MEP1B: variants seen among roughly 807,000 people sequenced by gnomAD.
MEP1B encodes the protein meprin A subunit beta.
Under a neutral mutation model 84.6 loss-of-function variants are expected in MEP1B, and 80 were observed. The ratio of observed to expected loss-of-function variants is 0.95; its 90% confidence interval spans 0.79 to 1.14. The LOEUF is 1.14. MEP1B is among the 50% of genes most tolerant of loss of function. MEP1B has a pLI of 0.00. For synonymous variants in MEP1B, 273 were observed against 288.1 expected (o/e 0.95, Z 0.53); for missense variants, 766 against 855.1 (o/e 0.90, Z 1.30).
Position 32,207,489 on chromosome 18 carries a change from G to A in MEP1B, c.766+19G>A, listed in dbSNP as rs1461608580. The A allele has an allele frequency of 1.3e-6, 2 of 1,537,374 alleles. No individual in the cohort carries two copies. Among genetic ancestry groups the A allele is most frequent in the East Asian group, 2.3e-5 (1 of 44,104 alleles). On this transcript the variant is annotated intron_variant, in intron 8 of 14. Transcript: ENST00000269202. ...AACTGCTGTATGTGACAGGTTCTTT[G>A]AAATGACTTATATTTTCCGCTGTTA...
At chr18:32,216,386 TAACA>T (rs2041090056) in intron 12 of MEP1B, among the ~76,000 whole-genome samples, 2 of 152,186 alleles carry the variant, frequency 1.3e-5, no homozygotes, top group South Asian at 4.1e-4. Flanking sequence ...CCAGAAGCAA[TAACA>T]AATACTGCAA....
At chr18:32,211,466 C>G (rs1367239152) in intron 10 of MEP1B, among the ~76,000 whole-genome samples, 1 of 152,088 alleles carries the variant, frequency 6.6e-6, no homozygotes, top group African/African-American at 2.4e-5. Context: ...TGTTTTATCT[C>G]AGAATGGCTG....
At chr18:32,211,596 A>C (rs913094778) in intron 10 of MEP1B, among the ~76,000 whole-genome samples, 1 of 152,188 alleles carries the variant, frequency 6.6e-6, no homozygotes, top group South Asian at 2.1e-4. Context: ...AATCCCAGTG[A>C]AGAACTGGGA....
At chr18:32,193,199 C>T (rs975857187) in intron 4 of MEP1B, among the ~76,000 whole-genome samples, 2 of 152,192 alleles carry the variant, frequency 1.3e-5, no homozygotes, top group African/African-American at 2.4e-5. Flanking sequence ...AGGCTTTTTA[C>T]CCCAATAAAT....
In MEP1B at chr18:32,210,563, G is replaced by T. The variant is rs115830020; in HGVS notation, c.982G>T (p.Glu328Ter). 2.5e-6 allele frequency: 4 copies of T among 1,614,016 alleles called. No individual in the cohort carries two copies. Among genetic ancestry groups the T allele is most frequent in the Admixed American group, 3.3e-5 (2 of 60,026 alleles). ...SVNVGATAVL[E>*]SRTLYPKRGF... The stretch of plus-strand genomic sequence containing the variant: ...AAATGTGGGGGCCACAGCAGTGCTG[G>T]AAAGTAGAACGCTGTACCCTAAAAG... The change falls in exon 10 of 15, where the codon GAA becomes TAA. Residue 328 changes from glutamate to a stop codon, truncating the protein, a stop_gained. Transcript: ENST00000269202. LOFTEE classifies it high-confidence loss of function.
At chr18:32,191,465 T>C (rs2040801075) in intron 1 of MEP1B, among the ~76,000 whole-genome samples, 1 of 152,030 alleles carries the variant, frequency 6.6e-6, no homozygotes, top group Non-Finnish European at 1.5e-5. Context: ...ATTATTTGGT[T>C]TTTCAAACAT....
chr18:32,201,407 T>A (rs1425137973), intron 5 of MEP1B, among the ~76,000 whole-genome samples: 1 of 151,956 alleles, frequency 6.6e-6, no homozygotes, highest in Non-Finnish European at 1.5e-5. Context: ...CTGTGAGGCT[T>A]TAAATACATA....
chr18:32,209,486 CA>C (rs1156344556), intron 9 of MEP1B, among the ~76,000 whole-genome samples: 2,461 of 107,034 alleles, frequency 0.023, 44 homozygotes, highest in African/African-American at 0.06. Context: ...GACGTTGTCT[CA>C]AAAAAAAAAA....
chr18:32,216,939 T>C, intron 12 of MEP1B, 52 bp from the exon 13 acceptor site: 3 of 1,542,060 alleles, frequency 1.9e-6, no homozygotes, highest in Non-Finnish European at 2.6e-6. Flanking sequence ...AAAGATCAAA[T>C]GATTGTTAAA....
In MEP1B at chr18:32,191,746, T is replaced by C. The variant is rs1332519239; in HGVS notation, c.64-76T>C. 3 of 872,226 alleles carry C rather than the reference T, an allele frequency of 3.4e-6. No individual in the cohort carries two copies. The African/African-American group carries it at 5.1e-5, about 15-fold the overall frequency. 54.0% of individuals were successfully genotyped at this position (872,226 alleles called of 1,614,324 possible). A position where few individuals can be genotyped will look rare whatever the true frequency, so the allele number is the denominator to read the frequency against. On this transcript the variant is annotated intron_variant, in intron 1 of 14. Coordinates refer to ENST00000269202, the MANE Select transcript of MEP1B (RefSeq NM_005925.3). ...ACAAAACAAACAAACAACAAATGGT[T>C]AGATATAAACTGAATCCAAGAAGAC...
chr18:32,192,773 G>C lies in MEP1B; in HGVS notation c.128-1G>C. 9 of 1,612,856 alleles carry C rather than the reference G, an allele frequency of 5.6e-6. No homozygotes were observed. Among genetic ancestry groups the C allele is most frequent in the Non-Finnish European group, 7.6e-6 (9 of 1,179,218 alleles). ...ACATGAATTTTTATCTTTACTCTTA[G>C]GTTTGGGACTGGATCTTTTTGAGGG... is the stretch of plus-strand genomic sequence containing the variant. On this transcript the variant is annotated splice_acceptor_variant, in intron 3 of 14. Transcript: ENST00000269202. LOFTEE classifies it high-confidence loss of function.
intron 9 of MEP1B, among the ~76,000 whole-genome samples, chr18:32,209,005 G>C (rs2040994618): frequency 6.6e-6 from 1 of 152,120 alleles, no homozygotes; most frequent in Non-Finnish European, 1.5e-5. Context: ...GGGAGGGAGG[G>C]GGAAAAGAAG....
chr18:32,208,125 C>T lies in MEP1B; in HGVS notation c.773C>T (p.Ser258Phe), dbSNP rs776045899. 6.2e-7 allele frequency: 1 copy of T among 1,613,256 alleles called. No homozygotes were observed. Among genetic ancestry groups the T allele is most frequent in the Non-Finnish European group, 8.5e-7 (1 of 1,179,408 alleles). Residue 258 changes from serine to phenylalanine, a missense_variant, in exon 9 of 15, where the codon TCC becomes TTC. Coordinates refer to ENST00000269202, the MANE Select transcript of MEP1B (RefSeq NM_005925.3). ...TGTTTTTTGCTTTTTGTAGCCTCTT[C>T]CTTGAGTTTTATGGACTCGTGCAGT... ...KLNQLYNCSS[S>F]LSFMDSCSFE...
rs965776 is a variant in MEP1B at position 32,196,719 on chromosome 18, A to G, written c.250+1234A>G. 0.14 allele frequency: 92,208 copies of G among 636,306 alleles called. 7,598 individuals carry two copies. The highest frequency in any genetic ancestry group is 0.28 in the African/African-American group (15,836 of 55,808). The allele number at this position is 636,306 out of a possible 1,614,324, so 39.4% of individuals were successfully genotyped here. Reference sequence around the variant, plus strand: ...GGCGCCCTGCAGCAGGCTGAGGGCCAGGGACAGCTGCCTGCTGGTGAAGCA... The same window carrying G: ...GGCGCCCTGCAGCAGGCTGAGGGCCGGGGACAGCTGCCTGCTGGTGAAGCA... On this transcript the variant is annotated intron_variant, in intron 5 of 14. Transcript: ENST00000269202. This position sits in a 1 kb window ranked among gnomAD's most constrained non-coding sequence, Gnocchi z 4.4.
At chr18:32,208,005 T>C in intron 8 of MEP1B, 114 bp from the exon 9 acceptor site, 1 of 1,009,632 alleles carries the variant, frequency 9.9e-7, no homozygotes, top group Admixed American at 2.0e-5. Context: ...CAGAATCAGC[T>C]AGGTGTTCCC....
chr18:32,195,298 T>C (rs529746025), intron 4 of MEP1B, 109 bp from the exon 5 acceptor site: 3 of 674,750 alleles, frequency 4.4e-6, no homozygotes, highest in Non-Finnish European at 7.9e-6. Context: ...ACAATTTGTT[T>C]GTGCGAACTG....
intron 7 of MEP1B, among the ~76,000 whole-genome samples, chr18:32,205,915 A>G (rs1463635692): frequency 6.6e-6 from 1 of 152,306 alleles, no homozygotes; most frequent in Non-Finnish European, 1.5e-5. Context: ...TTATGGTGAG[A>G]CATTTGAGGT....
Position 32,217,065 on chromosome 18 carries a change from A to G in MEP1B, c.1834A>G (p.Thr612Ala). The stretch of plus-strand genomic sequence containing the variant: ...TGTTCAAGACCTCTGCTCAAAAACC[A>G]CCTGTAAAAATGACGGTGTCTGCAC... The part of the protein sequence containing the change: ...PSVQDLCSKT[T>A]CKNDGVCTVR... The change falls in exon 13 of 15, where the codon ACC (threonine) becomes GCC (alanine). Residue 612 changes from threonine (T) to alanine (A), a missense_variant. Physicochemically the swap from Thr to Ala is moderately conservative, Grantham distance 58 (BLOSUM62 0). Transcript: ENST00000269202. 2 of 1,613,954 alleles carry G rather than the reference A, an allele frequency of 1.2e-6. No homozygotes were observed. Among genetic ancestry groups the G allele is most frequent in the Non-Finnish European group, 1.7e-6 (2 of 1,179,870 alleles).
chr18:32,207,011 C>T (rs2040972521), intron 7 of MEP1B, among the ~76,000 whole-genome samples: 1 of 152,180 alleles, frequency 6.6e-6, no homozygotes, highest in Non-Finnish European at 1.5e-5. Context: ...CAGCCTTAGA[C>T]TAAATGCCAA....
Sources: allele counts gnomAD v4.1 joint callset (sites outside exome capture counted in the v4.1 genomes callset), GRCh38; gene constraint gnomAD v4.1.1; non-coding constraint Gnocchi (gnomAD v3.1); transcripts MANE v1.5; gene names NCBI Gene and HGNC (gene_info 2026-07-23, HGNC 2026-07-21).